The following SENP2 variants were observed in gnomAD, a reference collection of about 807,000 sequenced individuals.
SENP2 encodes SUMO specific peptidase 2, also known as sentrin-specific protease 2.
In SENP2, 16 loss-of-function variants were observed where a neutral mutation model predicts 86.3. That is an observed-to-expected ratio of 0.19 (90% CI 0.13 to 0.28). The LOEUF (loss-of-function observed/expected upper bound fraction) is 0.28, where lower values mean the gene tolerates loss of function less well. Ranked by LOEUF, SENP2 falls within the 10% of genes least tolerant of loss-of-function variation. The pLI is 1.00. For synonymous variants in SENP2, 222 were observed against 238.7 expected, an observed-to-expected ratio of 0.93 and a Z score of 0.64; for missense variants, 552 against 703.0, an observed-to-expected ratio of 0.79 and a Z score of 2.43.
chr3:185,628,560 G>A (rs1712257624), intron 16 of SENP2, among the ~76,000 whole-genome samples: 1 of 152,182 alleles, frequency 6.6e-6, no homozygotes, highest in Non-Finnish European at 1.5e-5. Flanking sequence ...AGGCTGGAGT[G>A]CAATGGCGCA....
Position 185,586,849 on chromosome 3 carries a change from C to G in SENP2, c.101+335C>G, listed in dbSNP as rs142358798. Among the ~76,000 whole-genome samples the G allele has an allele frequency of 6.6e-6, 1 of 152,314 alleles. No homozygotes were observed. The highest frequency in any genetic ancestry group is 1.9e-4 in the East Asian group (1 of 5,182). On this transcript the variant is annotated intron_variant, in intron 1 of 16. Transcript: ENST00000296257. The surrounding 1 kb of genome is among the most constrained non-coding windows in gnomAD (Gnocchi z 4.3). ...TGGCTCACTGTTTACAAAGCACCCT[C>G]GCAAGTGTCATCTGCAGACATTAAG... is the stretch of plus-strand genomic sequence containing the variant.
intron 15 of SENP2, among the ~76,000 whole-genome samples, 191 bp from the exon 16 acceptor site, chr3:185,626,107 A>G (rs1367307126): frequency 1.3e-5 from 2 of 152,200 alleles, no homozygotes; most frequent in Non-Finnish European, 1.5e-5. Flanking sequence ...TTCCCTTGCT[A>G]TGATCTATGT....
Position 185,609,329 on chromosome 3 carries a change from C to G in SENP2, c.701C>G (p.Pro234Arg). 2 of 1,612,326 alleles carry G rather than the reference C, an allele frequency of 1.2e-6. No homozygotes were observed. The highest frequency in any genetic ancestry group is 1.7e-5 in the Admixed American group (1 of 59,974). ...KESGHGNSVC[P>R]VTSNYHSSQR... Reference sequence around the variant, plus strand: ...AGTGGTCATGGAAACTCTGTCTGTCCTGTAACTTCAAATTATCACAGGTGA... The same window carrying G: ...AGTGGTCATGGAAACTCTGTCTGTCGTGTAACTTCAAATTATCACAGGTGA... Residue 234 changes from proline (P) to arginine (R), a missense_variant, in exon 7 of 17, where the codon CCT becomes CGT. Around this residue, in one of 2 missense-constraint regions of SENP2, gnomAD observed 383 missense variants for 427.3 expected, o/e 0.90. Coordinates refer to ENST00000296257, the MANE Select transcript of SENP2 (RefSeq NM_021627.3).
intron 12 of SENP2, among the ~76,000 whole-genome samples, chr3:185,617,951 G>T (rs555840696): frequency 1.8e-3 from 267 of 151,110 alleles, no homozygotes; most frequent in Non-Finnish European, 2.6e-3. Flanking sequence ...TTGTTTTTTG[G>T]TTTTGTTTTT....
intron 4 of SENP2, among the ~76,000 whole-genome samples, chr3:185,599,515 C>A (rs1722276365): frequency 6.6e-6 from 1 of 151,816 alleles, no homozygotes; most frequent in Non-Finnish European, 1.5e-5. Flanking sequence ...ATACAAAATG[C>A]TATGGTGGGG....
chr3:185,614,860 G>A lies in SENP2; in HGVS notation c.1110+120G>A, dbSNP rs1395044007. ...GCTAGGGGTGAATATATGAAAACAT[G>A]TCAGGTCCATGGTCTGTTGATTCAC... is the stretch of plus-strand genomic sequence containing the variant. On this transcript the variant is annotated intron_variant, in intron 11 of 16. Transcript: ENST00000296257. 3 of 886,446 alleles carry A rather than the reference G, an allele frequency of 3.4e-6. No homozygotes were observed. The African/African-American group carries it at 5.1e-5, about 15-fold the overall frequency. The allele number at this position is 886,446 out of a possible 1,614,324, so 54.9% of individuals were successfully genotyped here.
At position 185,586,983 on chromosome 3, in the gene SENP2, CTG is replaced by C. The variant is rs1028376116; in HGVS notation, c.101+475_101+476del. Among the ~76,000 whole-genome samples the C allele has an allele frequency of 3.3e-5, 5 of 152,132 alleles. No homozygotes were observed. The highest frequency in any genetic ancestry group is 5.9e-5 in the Non-Finnish European group (4 of 68,026). On this transcript the variant is annotated intron_variant, in intron 1 of 16. Coordinates refer to ENST00000296257, the MANE Select transcript of SENP2 (RefSeq NM_021627.3). The surrounding 1 kb of genome is among the most constrained non-coding windows in gnomAD (Gnocchi z 4.3). Reference sequence around the variant, plus strand: ...TGTTCCAAAACAGCTGTCAAACAGTCTGTGTGTTTGGGGCCAGAAGGGTTTTG... The same window carrying C: ...TGTTCCAAAACAGCTGTCAAACAGTCTGTGTTTGGGGCCAGAAGGGTTTTG...
chr3:185,629,932 G>A lies in SENP2; in HGVS notation c.*88G>A. 7.7e-7 allele frequency: 1 copy of A among 1,307,058 alleles called. No homozygotes were observed. Among genetic ancestry groups the A allele is most frequent in the Non-Finnish European group, 1.1e-6 (1 of 907,506 alleles). The allele number at this position is 1,307,058 out of a possible 1,614,324, so 81.0% of individuals were successfully genotyped here. A position where few individuals can be genotyped will look rare whatever the true frequency, so the allele number is the denominator to read the frequency against. On this transcript the variant is annotated 3_prime_UTR_variant, in exon 17 of 17. Transcript: ENST00000296257. ...ATGCATTGTGGGTTAAAAAGTCCCT[G>A]CATCACTTCTGTTCTCACAGGTACT... is the stretch of plus-strand genomic sequence containing the variant.
chr3:185,607,451 C>G (rs1462988126), intron 6 of SENP2, among the ~76,000 whole-genome samples: 1 of 151,058 alleles, frequency 6.6e-6, no homozygotes, highest in Non-Finnish European at 1.5e-5. Context: ...GCCTCAGCCT[C>G]CCAAGTAGCT....
chr3:185,602,521 A>G (rs2148985287), intron 5 of SENP2, among the ~76,000 whole-genome samples: 1 of 152,118 alleles, frequency 6.6e-6, no homozygotes, highest in African/African-American at 2.4e-5. Flanking sequence ...AATGCCAACT[A>G]GTAAGTGTGG....
intron 1 of SENP2, among the ~76,000 whole-genome samples, chr3:185,588,741 T>C (rs1211938708): frequency 6.6e-6 from 1 of 152,210 alleles, no homozygotes; most frequent in Non-Finnish European, 1.5e-5. Context: ...CCTAAACTGA[T>C]GCTTAATGTA....
rs1355028065 is a variant in SENP2 at position 185,586,530 on chromosome 3, G to T, written c.101+16G>T. On this transcript the variant is annotated intron_variant, in intron 1 of 16. Coordinates refer to ENST00000296257, the MANE Select transcript of SENP2 (RefSeq NM_021627.3). This position sits in a 1 kb window ranked among gnomAD's most constrained non-coding sequence, Gnocchi z 4.3. ...GCTCAGACAGGTGAGACGAGAGGGG[G>T]CTGAGCGCCAGCCTGGCCTTACCCC... 6 of 1,607,016 alleles carry T rather than the reference G, an allele frequency of 3.7e-6. No homozygotes were observed. The highest frequency in any genetic ancestry group is 2.7e-5 in the African/African-American group (2 of 74,864).
intron 15 of SENP2, among the ~76,000 whole-genome samples, chr3:185,625,007 C>A (rs1346262365): frequency 1.3e-5 from 2 of 152,006 alleles, no homozygotes; most frequent in Non-Finnish European, 2.9e-5. Context: ...AACTGCCTTT[C>A]TTTGTATATT....
Position 185,629,956 on chromosome 3 carries a change from C to A in SENP2, c.*112C>A. The A allele has an allele frequency of 1.8e-6, 2 of 1,088,996 alleles. No individual in the cohort carries two copies. Among genetic ancestry groups the A allele is most frequent in the Non-Finnish European group, 2.8e-6 (2 of 724,270 alleles). 67.5% of individuals were successfully genotyped at this position (1,088,996 alleles called of 1,614,324 possible). A position where few individuals can be genotyped will look rare whatever the true frequency, so the allele number is the denominator to read the frequency against. ...TGCATCACTTCTGTTCTCACAGGTA[C>A]TGAGCTGTCAAAAGTGCATGAAGGC... On this transcript the variant is annotated 3_prime_UTR_variant, in exon 17 of 17. Transcript: ENST00000296257.
Position 185,626,388 on chromosome 3 carries a change from A to C in SENP2, c.1702A>C (p.Thr568Pro). Residue 568 changes from threonine (T) to proline (P), a missense_variant, in exon 16 of 17, where the codon ACT (threonine) becomes CCT (proline). Thr to Pro is a conservative substitution (Grantham distance 38, BLOSUM62 -1). This residue lies in a region of SENP2 where 169 missense variants were observed against 275.7 expected (regional missense o/e 0.61). Transcript: ENST00000296257. The stretch of plus-strand genomic sequence containing the variant: ...TTCTAGGGACAAACCTATCACATTT[A>C]CTCAGGTGAGTGAAGACCCTCTTCA... ...YISRDKPITF[T>P]QHQMPLFRKK... The C allele has an allele frequency of 6.2e-7, 1 of 1,601,544 alleles. No individual in the cohort carries two copies. The highest frequency in any genetic ancestry group is 8.6e-7 in the Non-Finnish European group (1 of 1,169,086).
chr3:185,628,880 C>G (rs1321690087), intron 16 of SENP2, among the ~76,000 whole-genome samples: 1 of 152,200 alleles, frequency 6.6e-6, no homozygotes, highest in Non-Finnish European at 1.5e-5. Flanking sequence ...TTTTGTGTTG[C>G]TGCTTTGCAA....
intron 7 of SENP2, among the ~76,000 whole-genome samples, chr3:185,611,088 CA>C (rs1436520290): frequency 6.6e-6 from 1 of 152,094 alleles, no homozygotes; most frequent in Non-Finnish European, 1.5e-5. Flanking sequence ...CCAGCCTGAC[CA>C]ACATGGCGAA....
rs1721932440 is a variant in SENP2, at chr3:185,590,243, G to A, written c.157+74G>A. On this transcript the variant is annotated intron_variant, in intron 2 of 16. Coordinates refer to ENST00000296257, the MANE Select transcript of SENP2 (RefSeq NM_021627.3). ...ATATGCATGGAACAAAATTCAAAAG[G>A]TAAAAAGTATCTGGTAAAAAGTAAG... The A allele has an allele frequency of 5.2e-6, 4 of 771,138 alleles. No individual in the cohort carries two copies. The South Asian group carries it at 5.8e-5, about 11-fold the overall frequency. 47.8% of individuals were successfully genotyped at this position (771,138 alleles called of 1,614,324 possible).
chr3:185,600,728 T>C (rs531387111), intron 4 of SENP2, 37 bp from the exon 5 acceptor site: 6 of 1,395,482 alleles, frequency 4.3e-6, no homozygotes, highest in South Asian at 1.2e-5. Context: ...TGCAAGTGAT[T>C]TTTCATTTTA....
Sources: allele counts gnomAD v4.1 joint callset (sites outside exome capture counted in the v4.1 genomes callset), GRCh38; gene constraint gnomAD v4.1.1; regional missense constraint gnomAD v4.1.1; non-coding constraint Gnocchi (gnomAD v3.1); transcripts MANE v1.5; gene names NCBI Gene and HGNC (gene_info 2026-07-23, HGNC 2026-07-21).